Variants in WNT5A observed in about 807,000 individuals in gnomAD.
The protein encoded by WNT5A is Wnt family member 5A, also known as protein Wnt-5a.
In WNT5A, 9 loss-of-function variants were observed where a neutral mutation model predicts 42.1. That is an observed-to-expected ratio of 0.21 (90% CI 0.13 to 0.37). The LOEUF (loss-of-function observed/expected upper bound fraction) is 0.37. Among genes scored for constraint, WNT5A ranks in the 10% least tolerant of loss-of-function variants. The probability of loss-of-function intolerance (pLI) is 1.00; values close to 1 mark genes in which losing one functional copy is unlikely to be tolerated. For synonymous variants in WNT5A, 210 were observed against 210.0 expected (o/e 1.00, Z 0.00); for missense variants, 426 against 534.0 (o/e 0.80, Z 1.99).
At chr3:55,500,374 C>A in the WNT5A span, among the ~76,000 whole-genome samples, 1 of 152,304 alleles carries the variant, frequency 6.6e-6, no homozygotes, top group South Asian at 2.1e-4. Flanking sequence ...TAATGGATGG[C>A]CATGAATACC....
At chr3:55,488,302 G>C (rs901311409), upstream of WNT5A, 2 of 151,686 alleles carry the variant, frequency 1.3e-5, no homozygotes, top group South Asian at 2.1e-4. Context: ...CAGACTGACC[G>C]ACCGCGGGGA....
At chr3:55,504,200 C>T in the WNT5A span, among the ~76,000 whole-genome samples, 1 of 151,682 alleles carries the variant, frequency 6.6e-6, no homozygotes, top group African/African-American at 2.4e-5. Flanking sequence ...GCCTGGGAGG[C>T]GGAGGTTGCA....
In WNT5A at chr3:55,487,223, C is replaced by G. The variant is rs1225232339; in HGVS notation, c.-238G>C. ...CCCAGGAATGGAGGGGGCGCGGACG[C>G]GCGCGAGCCGGCAGCAAGGGCAGGG... is the stretch of plus-strand genomic sequence containing the variant. On this transcript the variant is annotated 5_prime_UTR_variant, in exon 1 of 5. Transcript: ENST00000264634. The G allele has an allele frequency of 4.1e-6, 2 of 485,808 alleles. No homozygotes were observed. Among genetic ancestry groups the G allele is most frequent in the Non-Finnish European group, 3.6e-6 (1 of 279,204 alleles). 30.1% of individuals were successfully genotyped at this position (485,808 alleles called of 1,614,324 possible). A position where few individuals can be genotyped will look rare whatever the true frequency, so the allele number is the denominator to read the frequency against.
At chr3:55,470,610 A>G (rs2106890805) in intron 4 of WNT5A, 60 bp from the exon 5 acceptor site, 1 of 1,419,076 alleles carries the variant, frequency 7.0e-7, no homozygotes, top group African/African-American at 1.4e-5. Flanking sequence ...TGCAGGCTAT[A>G]GGAACAAAGT....
Position 55,480,891 on chromosome 3 carries a change from C to T in WNT5A, c.34G>A (p.Val12Ile). 6.3e-7 allele frequency: 1 copy of T among 1,580,148 alleles called. No homozygotes were observed. Among genetic ancestry groups the T allele is most frequent in the Non-Finnish European group, 8.6e-7 (1 of 1,163,552 alleles). Residue 12 changes from valine to isoleucine, a missense_variant, in exon 2 of 5, where the codon GTT (valine) becomes ATT (isoleucine). Physicochemically the swap from Val to Ile is conservative, Grantham distance 29. Around this residue, in one of 3 missense-constraint regions of WNT5A, gnomAD observed 62 missense variants for 49.0 expected, o/e 1.26. Coordinates refer to ENST00000264634, the MANE Select transcript of WNT5A (RefSeq NM_003392.7). The stretch of plus-strand genomic sequence containing the variant: ...GCACTTCCAGCCATCCCCAAAGCAA[C>T]TCCTGGGCTTAATATTCCAATGGAC... ...KKSIGILSPGVALGMAGSAMS... is the reference protein window; with the variant it reads ...KKSIGILSPGIALGMAGSAMS...
chr3:55,504,316 T>A, the WNT5A span, among the ~76,000 whole-genome samples: 1 of 151,698 alleles, frequency 6.6e-6, no homozygotes, highest in East Asian at 1.9e-4. Flanking sequence ...AAGAAAGAAA[T>A]TTTTAAGACA....
At chr3:55,474,310 G>A (rs755345350) in intron 4 of WNT5A, 27 bp downstream of exon 4, 12 of 1,611,692 alleles carry the variant, frequency 7.4e-6, no homozygotes, top group Admixed American at 1.7e-5. Context: ...ACAGAGATGC[G>A]GGGCGGGGGC....
intron 3 of WNT5A, among the ~76,000 whole-genome samples, chr3:55,474,862 G>A (rs1187352690): frequency 8.4e-6 from 1 of 118,430 alleles, no homozygotes; most frequent in Non-Finnish European, 1.8e-5. Flanking sequence ...AGCAAGAATA[G>A]TGGGGAGGTA....
At chr3:55,492,167 CTTATGTG>C (rs111686244), upstream of WNT5A, among the ~76,000 whole-genome samples, 4,947 of 151,774 alleles carry the variant, frequency 0.033, 231 homozygotes, top group African/African-American at 0.11. Flanking sequence ...TTATATAACA[CTTATGTG>C]TTATGTGTTA....
intron 3 of WNT5A, among the ~76,000 whole-genome samples, chr3:55,477,765 G>C (rs1437646624): frequency 6.6e-6 from 1 of 152,172 alleles, no homozygotes; most frequent in African/African-American, 2.4e-5. Flanking sequence ...GAAAACGAGA[G>C]GAGGATCTTA....
chr3:55,480,137 T>A (rs1252110398), intron 2 of WNT5A, among the ~76,000 whole-genome samples: 3 of 152,180 alleles, frequency 2.0e-5, no homozygotes, highest in African/African-American at 7.2e-5. Flanking sequence ...ACAGAAGTCA[T>A]GTTTGACAGT....
chr3:55,482,799 G>C (rs1357976674), intron 1 of WNT5A, among the ~76,000 whole-genome samples: 2 of 152,318 alleles, frequency 1.3e-5, no homozygotes, highest in Non-Finnish European at 2.9e-5. Context: ...TTTCCTCCAG[G>C]GGAGGGAGTG....
intron 1 of WNT5A, among the ~76,000 whole-genome samples, chr3:55,484,122 G>A (rs189017173): frequency 1.3e-5 from 2 of 152,230 alleles, no homozygotes; most frequent in African/African-American, 4.8e-5. Context: ...GGCGGAAGAA[G>A]CCCATTTGAC....
At chr3:55,477,896 A>G (rs1302802224) in intron 3 of WNT5A, among the ~76,000 whole-genome samples, 1 of 152,176 alleles carries the variant, frequency 6.6e-6, no homozygotes, top group African/African-American at 2.4e-5. Context: ...AAGTAGTCCC[A>G]TAGGTTGAGA....
intron 3 of WNT5A, chr3:55,479,033 C>T (rs2051406872): frequency 4.1e-6 from 1 of 244,216 alleles, no homozygotes; most frequent in Non-Finnish European, 7.7e-6. Flanking sequence ...AAGTGTTCTG[C>T]TTCTATTTTA....
rs2051308294 is a variant in WNT5A at position 55,474,358 on chromosome 3, G to A, written c.663C>T (p.His221=). 1 of 1,613,068 alleles carries A rather than the reference G, an allele frequency of 6.2e-7. No homozygotes were observed. The highest frequency in any genetic ancestry group is 2.2e-5 in the East Asian group (1 of 44,790). ...YESARILMNL[H]NNEAGRRTVY... is the part of the protein sequence containing the mutation. ...TCACCCTGCGGCCGGCCTCGTTGTT[G>A]TGCAGGTTCATGAGGATGCGAGCAC... The change falls in exon 4 of 5, where the codon CAC becomes CAT. Residue 221 remains histidine (H), a synonymous_variant. Transcript: ENST00000264634.
chr3:55,482,992 C>T (rs1312396228), intron 1 of WNT5A, among the ~76,000 whole-genome samples: 1 of 152,206 alleles, frequency 6.6e-6, no homozygotes, highest in Non-Finnish European at 1.5e-5. Context: ...TGGTGCTGGC[C>T]GCGTGCACTT....
At position 55,480,924 on chromosome 3, in the gene WNT5A, G is replaced by A; in HGVS notation, c.7-6C>T. 1 of 1,530,294 alleles carries A rather than the reference G, an allele frequency of 6.5e-7. No homozygotes were observed. Among genetic ancestry groups the A allele is most frequent in the Non-Finnish European group, 8.8e-7 (1 of 1,137,250 alleles). 94.8% of individuals were successfully genotyped at this position (1,530,294 alleles called of 1,614,324 possible). On this transcript the variant is annotated splice_region_variant and splice_polypyrimidine_tract_variant and intron_variant, in intron 1 of 4. Coordinates refer to ENST00000264634, the MANE Select transcript of WNT5A (RefSeq NM_003392.7). ...CTTAATATTCCAATGGACTTCTGGA[G>A]AGGGAAGAAAGGAGCAGATGTTTAT...
the WNT5A span, among the ~76,000 whole-genome samples, chr3:55,499,973 C>CCCA: frequency 1.2e-4 from 9 of 74,236 alleles, no homozygotes; most frequent in South Asian, 1.1e-3. Context: ...AGACTCCATC[C>CCCA]CCCCTCCAAA....
Sources: allele counts gnomAD v4.1 joint callset (sites outside exome capture counted in the v4.1 genomes callset), GRCh38; gene constraint gnomAD v4.1.1; regional missense constraint gnomAD v4.1.1; transcripts MANE v1.5; gene names NCBI Gene and HGNC (gene_info 2026-07-23, HGNC 2026-07-21).